TARS1: variants seen among roughly 807,000 people sequenced by gnomAD.
The protein encoded by TARS1 is threonyl-tRNA synthetase 1, also known as threonine--tRNA ligase 1, cytoplasmic.
TARS1 carries 57 observed loss-of-function variants against 97.7 expected under a neutral mutation model. The observed-to-expected ratio is 0.58, with a 90% CI of 0.47 to 0.73. The LOEUF is 0.73. TARS1 is among the 30% of genes least tolerant of loss of function. The probability of loss-of-function intolerance (pLI) is 0.00; values close to 1 mark genes in which losing one functional copy is unlikely to be tolerated. For missense variants in TARS1, 806 were observed against 888.3 expected (o/e 0.91, Z 1.18); for synonymous variants, 312 against 293.7 (o/e 1.06, Z -0.64).
Position 33,455,724 on chromosome 5 carries a change from G to A in TARS1, c.693+20G>A, listed in dbSNP as rs201439501. 115 of 1,498,476 alleles carry A rather than the reference G, an allele frequency of 7.7e-5. No individual in the cohort carries two copies. In the East Asian group the frequency reaches 1.2e-3, roughly 15 times the overall value. The allele number at this position is 1,498,476 out of a possible 1,614,324, so 92.8% of individuals were successfully genotyped here. On this transcript the variant is annotated intron_variant, in intron 6 of 18. Coordinates refer to ENST00000265112, the MANE Select transcript of TARS1 (RefSeq NM_152295.5). The stretch of plus-strand genomic sequence containing the variant: ...TTTAAGGTAAATTGAACCATAGTGC[G>A]TGGCCCCCACTGTTAATATCATTTA...
chr5:33,461,697 G>T lies in TARS1; in HGVS notation c.1582G>T (p.Glu528Ter). ...QLENSLNEFG[E>*]KWELNSGDGA... The stretch of plus-strand genomic sequence containing the variant: ...TGAAAACAGTCTGAATGAATTTGGT[G>T]AAAAGTGGGAGTTAAACTCTGGAGA... The change falls in exon 14 of 19, where the codon GAA (glutamate) becomes TAA (stop). Residue 528 changes from glutamate to a stop codon, truncating the protein, a stop_gained. Transcript: ENST00000265112. LOFTEE classifies it high-confidence loss of function. 6.2e-7 allele frequency: 1 copy of T among 1,614,124 alleles called. No homozygotes were observed.
intron 3 of TARS1, among the ~76,000 whole-genome samples, chr5:33,453,060 A>C (rs1741823996): frequency 6.6e-6 from 1 of 152,122 alleles, no homozygotes; most frequent in South Asian, 2.1e-4. Context: ...CTTAAACAGG[A>C]GGCATTCAAT....
At position 33,457,313 on chromosome 5, in the gene TARS1, T is replaced by C. The variant is rs1742070113; in HGVS notation, c.894T>C (p.Tyr298=). Reference sequence around the variant, plus strand: ...ATATGGAGACTCTCCAGAGAATTTATGGCATTTCATTCCCAGATCCTAAAA... The same window carrying C: ...ATATGGAGACTCTCCAGAGAATTTACGGCATTTCATTCCCAGATCCTAAAA... The part of the protein sequence containing the change: ...KADMETLQRI[Y]GISFPDPKML... Residue 298 remains tyrosine (Y), a synonymous_variant, in exon 9 of 19, where the codon TAT becomes TAC. Transcript: ENST00000265112. 2 of 1,614,206 alleles carry C rather than the reference T, an allele frequency of 1.2e-6. No homozygotes were observed. Among genetic ancestry groups the C allele is most frequent in the Non-Finnish European group, 1.7e-6 (2 of 1,180,012 alleles).
rs1418654693 is a variant in TARS1 at position 33,467,583 on chromosome 5, A to G, written c.2047A>G (p.Ser683Gly). The change falls in exon 19 of 19, where the codon AGT (serine) becomes GGT (glycine). Residue 683 changes from serine (S) to glycine (G), a missense_variant. Around this residue, in one of 3 missense-constraint regions of TARS1, gnomAD observed 446 missense variants for 511.0 expected, o/e 0.87. Transcript: ENST00000265112. The stretch of plus-strand genomic sequence containing the variant: ...AGTTGTTGGTGAAAAAGAGAAAATC[A>G]GTGGCACTGTTAATATCCGCACAAG... ...ILVVGEKEKI[S>G]GTVNIRTRDN... 6 of 1,610,518 alleles carry G rather than the reference A, an allele frequency of 3.7e-6. No individual in the cohort carries two copies. Among genetic ancestry groups the G allele is most frequent in the Non-Finnish European group, 5.1e-6 (6 of 1,178,958 alleles).
chr5:33,463,052 C>T (rs978444030), intron 16 of TARS1, among the ~76,000 whole-genome samples: 7 of 152,212 alleles, frequency 4.6e-5, no homozygotes, highest in African/African-American at 1.7e-4. Flanking sequence ...CAGCTAATTG[C>T]TCTGCTAAAC....
intron 6 of TARS1, 138 bp downstream of exon 6, chr5:33,455,842 T>C: frequency 1.0e-6 from 1 of 1,001,806 alleles, no homozygotes; most frequent in Non-Finnish European, 1.5e-6. Flanking sequence ...TTTATTATTT[T>C]TTTAATTTCA....
Position 33,468,069 on chromosome 5 carries a change from A to T in TARS1, c.*361A>T, listed in dbSNP as rs571937064. ...TAGAATTGGATTATGGTGTAAAAAT[A>T]AAAAAAAAATTTATTCACATAAGTT... On this transcript the variant is annotated 3_prime_UTR_variant, in exon 19 of 19. Coordinates refer to ENST00000265112, the MANE Select transcript of TARS1 (RefSeq NM_152295.5). 4.7e-5 allele frequency: 8 copies of T among 170,288 alleles called. No individual in the cohort carries two copies. The highest frequency in any genetic ancestry group is 1.7e-4 in the East Asian group (1 of 5,878). 10.5% of individuals were successfully genotyped at this position (170,288 alleles called of 1,614,324 possible). A position where few individuals can be genotyped will look rare whatever the true frequency, so the allele number is the denominator to read the frequency against.
intron 1 of TARS1, among the ~76,000 whole-genome samples, chr5:33,442,429 A>G (rs1296585078): frequency 6.6e-6 from 1 of 151,540 alleles, no homozygotes; most frequent in Non-Finnish European, 1.5e-5. Context: ...TATGGTTAAC[A>G]CATATGTAAT....
chr5:33,464,517 A>C (rs145135056), intron 17 of TARS1, among the ~76,000 whole-genome samples: 90 of 152,342 alleles, frequency 5.9e-4, no homozygotes, highest in African/African-American at 2.0e-3. Context: ...CATACTAAGG[A>C]ATTTCAAATT....
At chr5:33,455,095 G>A (rs757623596) in intron 5 of TARS1, 29 bp downstream of exon 5, 1 of 1,611,656 alleles carries the variant, frequency 6.2e-7, no homozygotes, top group South Asian at 1.1e-5. Flanking sequence ...AAAGAAAACT[G>A]AAGTCAATGA....
chr5:33,462,236 A>C lies in TARS1; in HGVS notation c.1835+33A>C, dbSNP rs751363147. The C allele has an allele frequency of 7.6e-6, 12 of 1,569,332 alleles. No individual in the cohort carries two copies. The South Asian group carries it at 1.4e-4, about 18-fold the overall frequency. ...TTGTCACTGTCTTTTTTTTCTGATT[A>C]GTATAAATTGGCTACAAGAAATGTC... is the stretch of plus-strand genomic sequence containing the variant. On this transcript the variant is annotated intron_variant, in intron 16 of 18. Transcript: ENST00000265112.
chr5:33,447,420 T>C (rs1383981651), intron 2 of TARS1, among the ~76,000 whole-genome samples: 1 of 152,132 alleles, frequency 6.6e-6, no homozygotes, highest in African/African-American at 2.4e-5. Flanking sequence ...CTAATTTTTG[T>C]ATTTTTAGTA....
At chr5:33,445,203 A>T (rs1032208866) in intron 1 of TARS1, 121 bp from the exon 2 acceptor site, 11 of 735,608 alleles carry the variant, frequency 1.5e-5, no homozygotes. Context: ...TCAATATCAG[A>T]TTTCCATTTT....
intron 3 of TARS1, among the ~76,000 whole-genome samples, chr5:33,449,543 C>T (rs1241807203): frequency 1.4e-5 from 2 of 146,874 alleles, no homozygotes; most frequent in Non-Finnish European, 1.5e-5. Flanking sequence ...GCAAGCTCCA[C>T]CTCCCAGGTT....
intron 8 of TARS1, among the ~76,000 whole-genome samples, chr5:33,457,021 A>G (rs958180283): frequency 2.6e-5 from 4 of 151,902 alleles, no homozygotes; most frequent in Non-Finnish European, 5.9e-5. Context: ...CTGGTCTCGA[A>G]CTCCCAGGCT....
rs774866665 is a variant in TARS1, at chr5:33,448,715, A to C, written c.313A>C (p.Ile105Leu). The C allele has an allele frequency of 1.9e-6, 3 of 1,613,026 alleles. No individual in the cohort carries two copies. The East Asian group carries it at 6.7e-5, about 36-fold the overall frequency. Residue 105 changes from isoleucine to leucine, a missense_variant, in exon 3 of 19, where the codon ATT becomes CTT. By Grantham distance (5) the Ile-to-Leu change is conservative. Coordinates refer to ENST00000265112, the MANE Select transcript of TARS1 (RefSeq NM_152295.5). ...ATCTTGGAAAACTACACCATATCAA[A>C]TTGCCTGTGGAATTAGGTATAAGCT... ...AESWKTTPYQ[I>L]ACGISQGLAD... is the part of the protein sequence containing the mutation.
intron 9 of TARS1, 69 bp downstream of exon 9, chr5:33,457,472 C>T: frequency 3.9e-6 from 6 of 1,548,548 alleles, no homozygotes; most frequent in Admixed American, 1.8e-5. Context: ...TGAAATTCAG[C>T]TGCATGAAGT....
intron 13 of TARS1, among the ~76,000 whole-genome samples, 185 bp from the exon 14 acceptor site, chr5:33,461,482 T>C (rs1371206577): frequency 6.6e-6 from 1 of 152,194 alleles, no homozygotes. Context: ...TTTTCATGAC[T>C]TTTTTCAGTT....
intron 2 of TARS1, chr5:33,446,559 A>G (rs1489991540): frequency 4.0e-5 from 23 of 574,494 alleles, no homozygotes; most frequent in African/African-American, 1.7e-4. Flanking sequence ...TGGTCTGGAA[A>G]AAAGAGTGTA....
Sources: gnomAD v4.1 joint callset for allele counts (sites outside exome capture counted in the v4.1 genomes callset) on GRCh38, gnomAD v4.1.1 for gene constraint, gnomAD v4.1.1 regional missense constraint, MANE v1.5 for transcripts, NCBI Gene and HGNC (gene_info 2026-07-23, HGNC 2026-07-21) for gene names.